Variants in CDK14 observed in about 807,000 individuals in gnomAD.
CDK14 encodes cyclin-dependent kinase 14.
A neutral mutation model predicts 60.7 loss-of-function variants in CDK14; 34 were observed. That is an observed-to-expected ratio of 0.56 (90% CI 0.43 to 0.75). CDK14 has a LOEUF of 0.75. CDK14 is among the 30% of genes least tolerant of loss of function. The probability of loss-of-function intolerance (pLI) is 0.00; values close to 1 mark genes in which losing one functional copy is unlikely to be tolerated. For missense variants in CDK14, 482 were observed against 564.1 expected (o/e 0.85, Z 1.47); for synonymous variants, 197 against 203.7 (o/e 0.97, Z 0.28).
At chr7:90,715,873 G>A (rs79891610) in intron 2 of CDK14, among the ~76,000 whole-genome samples, 4 of 151,518 alleles carry the variant, frequency 2.6e-5, no homozygotes, top group Non-Finnish European at 5.9e-5. Flanking sequence ...CGCTTGCTCT[G>A]CTTGGAGCTT....
chr7:91,204,649 A>G (rs1436806200), intron 14 of CDK14, among the ~76,000 whole-genome samples: 1 of 152,242 alleles, frequency 6.6e-6, no homozygotes, highest in African/African-American at 2.4e-5. Flanking sequence ...CAACAGCCAC[A>G]TGAAAGAGTC....
At chr7:90,685,352 A>G (rs1218211962) in intron 2 of CDK14, among the ~76,000 whole-genome samples, 1 of 152,022 alleles carries the variant, frequency 6.6e-6, no homozygotes, top group Non-Finnish European at 1.5e-5. Context: ...ACCCTCTTTT[A>G]TTTACTGAAG....
At position 91,112,557 on chromosome 7, in the gene CDK14, C is replaced by A. The variant is rs1258639898; in HGVS notation, c.1170C>A (p.Asn390Lys). The stretch of plus-strand genomic sequence containing the variant: ...ATGTTTTTAGGCTCAGCTATGTGAA[C>A]CATGCAGAGGACCTGGCCTCCAAGC... ...RQAWNKLSYV[N>K]HAEDLASKLL... The change falls in exon 13 of 15, where the codon AAC becomes AAA. Residue 390 changes from asparagine to lysine, a missense_variant. By Grantham distance (94) the Asn-to-Lys change is moderately conservative (BLOSUM62 0). Transcript: ENST00000380050. The A allele has an allele frequency of 6.2e-7, 1 of 1,613,446 alleles. No homozygotes were observed. The highest frequency in any genetic ancestry group is 8.5e-7 in the Non-Finnish European group (1 of 1,179,628).
chr7:90,854,163 G>A (rs911411116), intron 5 of CDK14, among the ~76,000 whole-genome samples: 1 of 152,110 alleles, frequency 6.6e-6, no homozygotes, highest in Non-Finnish European at 1.5e-5. Flanking sequence ...ATGTGTAAAA[G>A]CATACAACAA....
rs999686400 is a variant in CDK14, at chr7:90,659,871, C to G, written c.123+55622C>G. ...TCTCTCTCTCTCTCTCTCTCTCTCT[C>G]TCTCTGTGTGTGTGTGTGTGTGTGT... On this transcript the variant is annotated intron_variant, in intron 2 of 14. Transcript: ENST00000380050. Among the ~76,000 whole-genome samples the G allele has an allele frequency of 1.3e-3, 188 of 144,432 alleles. 1 individual carries two copies. The highest frequency in any genetic ancestry group is 9.6e-3 in the East Asian group (46 of 4,800). 94.8% of individuals were successfully genotyped at this position (144,432 alleles called of 152,430 possible).
At chr7:90,810,202 A>T (rs192173034) in intron 5 of CDK14, among the ~76,000 whole-genome samples, 15 of 152,350 alleles carry the variant, frequency 9.8e-5, no homozygotes, top group Admixed American at 8.5e-4. Context: ...CCTCATGAAC[A>T]TCGATGCAGA....
chr7:91,003,316 G>A (rs1404205001), intron 10 of CDK14, among the ~76,000 whole-genome samples: 1 of 152,054 alleles, frequency 6.6e-6, no homozygotes, highest in Non-Finnish European at 1.5e-5. Context: ...TCATCATTAT[G>A]TCTCACCTGG....
At chr7:91,157,132 C>T (rs564696261) in intron 14 of CDK14, among the ~76,000 whole-genome samples, 5 of 152,098 alleles carry the variant, frequency 3.3e-5, no homozygotes, top group Non-Finnish European at 5.9e-5. Context: ...CTGAATCACA[C>T]GTTTCATATT....
At chr7:90,931,796 G>T (rs1378105227) in intron 8 of CDK14, among the ~76,000 whole-genome samples, 1 of 152,242 alleles carries the variant, frequency 6.6e-6, no homozygotes, top group East Asian at 1.9e-4. Context: ...GTGTGTGTGT[G>T]TGTGTTTTGG....
At chr7:91,046,047 C>G (rs1797223071) in intron 11 of CDK14, 87 bp downstream of exon 11, 1 of 854,818 alleles carries the variant, frequency 1.2e-6, no homozygotes, top group African/African-American at 1.7e-5. Context: ...AATATACCAC[C>G]TTGAAAAATT....
chr7:90,831,675 T>C (rs551106164), intron 5 of CDK14, among the ~76,000 whole-genome samples: 1 of 141,866 alleles, frequency 7.0e-6, no homozygotes, highest in South Asian at 2.3e-4. Flanking sequence ...TCTATTGTTA[T>C]ATTGACACTT....
intron 9 of CDK14, among the ~76,000 whole-genome samples, chr7:90,980,602 A>G (rs1037541354): frequency 2.1e-4 from 32 of 152,148 alleles, no homozygotes; most frequent in African/African-American, 7.5e-4. Flanking sequence ...TGTTATATTC[A>G]TATGTTGATA....
intron 4 of CDK14, among the ~76,000 whole-genome samples, chr7:90,749,090 A>G (rs1386617981): frequency 2.0e-5 from 3 of 152,222 alleles, no homozygotes; most frequent in African/African-American, 4.8e-5. Flanking sequence ...ATCAAGAAAG[A>G]TATGTAAGGC....
rs1339522750 is a variant in CDK14, at chr7:90,781,444, T to G, written c.465-9129T>G. On this transcript the variant is annotated intron_variant, in intron 4 of 14. Transcript: ENST00000380050. Reference sequence around the variant, plus strand: ...AATTAGATCCCATTTGTCAATTTTGTCTTTTGTTGCCATTGCTTTTGGTGT... The same window carrying G: ...AATTAGATCCCATTTGTCAATTTTGGCTTTTGTTGCCATTGCTTTTGGTGT... Among the ~76,000 whole-genome samples, 117 of 150,610 alleles carry G rather than the reference T, an allele frequency of 7.8e-4. 1 individual carries two copies. The highest frequency in any genetic ancestry group is 6.6e-4 in the Admixed American group (10 of 15,062).
At chr7:90,639,685 T>A (rs1453220713) in intron 2 of CDK14, among the ~76,000 whole-genome samples, 1 of 132,000 alleles carries the variant, frequency 7.6e-6, no homozygotes, top group Non-Finnish European at 1.6e-5. Flanking sequence ...CAGAGGTTAC[T>A]GCTGTCTTTT....
chr7:90,813,167 TG>T (rs1227263152), intron 5 of CDK14, among the ~76,000 whole-genome samples: 1 of 152,222 alleles, frequency 6.6e-6, no homozygotes, highest in African/African-American at 2.4e-5. Context: ...GTATTTTGTT[TG>T]TTTGTTTCTT....
intron 9 of CDK14, among the ~76,000 whole-genome samples, chr7:90,980,189 T>A (rs1038247848): frequency 9.2e-5 from 14 of 152,130 alleles, no homozygotes; most frequent in African/African-American, 3.4e-4. Flanking sequence ...CATAGGTGGG[T>A]GTTTATGTAT....
chr7:90,634,710 T>C (rs990570578), intron 2 of CDK14, among the ~76,000 whole-genome samples: 3 of 151,782 alleles, frequency 2.0e-5, no homozygotes, highest in African/African-American at 7.3e-5. Flanking sequence ...ATCGCCACAC[T>C]GACTTCCACA....
intron 14 of CDK14, among the ~76,000 whole-genome samples, chr7:91,141,285 A>G (rs573392001): frequency 3.2e-4 from 48 of 152,320 alleles, no homozygotes; most frequent in African/African-American, 1.1e-3. Context: ...AAGGACAGAG[A>G]AGAATTAAAA....
Sources: gnomAD v4.1 joint callset for allele counts (sites outside exome capture counted in the v4.1 genomes callset) on GRCh38, gnomAD v4.1.1 for gene constraint, MANE v1.5 for transcripts, NCBI Gene and HGNC (gene_info 2026-07-23, HGNC 2026-07-21) for gene names.